Variants in TACC1 observed in about 807,000 individuals in gnomAD.
The protein encoded by TACC1 is transforming acidic coiled-coil-containing protein 1.
Under a neutral mutation model 84.4 loss-of-function variants are expected in TACC1, and 48 were observed. The ratio of observed to expected loss-of-function variants is 0.57; its 90% CI spans 0.45 to 0.72. The LOEUF (loss-of-function observed/expected upper bound fraction) is 0.72, where lower values mean the gene tolerates loss of function less well. TACC1 is among the 30% of genes least tolerant of loss of function. TACC1 has a pLI of 0.00. For missense variants in TACC1, 920 were observed against 973.0 expected, an observed-to-expected ratio of 0.95 and a Z score of 0.72; for synonymous variants, 372 against 376.3, an observed-to-expected ratio of 0.99 and a Z score of 0.13.
chr8:38,773,186 C>T (rs950246572), intron 3 of TACC1, among the ~76,000 whole-genome samples: 9 of 151,722 alleles, frequency 5.9e-5, no homozygotes, highest in East Asian at 1.9e-4. Context: ...ATTAGCCTGG[C>T]GTGGTGGCGG....
chr8:38,762,067 T>A (rs1200304419), intron 3 of TACC1, among the ~76,000 whole-genome samples: 2 of 152,178 alleles, frequency 1.3e-5, no homozygotes, highest in East Asian at 3.8e-4. Context: ...AAAAAAGAGT[T>A]AATAATGGGA....
In TACC1 at chr8:38,836,247, A is replaced by C. The variant is rs1298055689; in HGVS notation, c.1799A>C (p.Glu600Ala). 6.2e-7 allele frequency: 1 copy of C among 1,612,480 alleles called. No individual in the cohort carries two copies. The highest frequency in any genetic ancestry group is 8.5e-7 in the Non-Finnish European group (1 of 1,179,872). ...CCCCTGGATGGGATCTGCCTCAGCG[A>C]ATCAGACAAGACAGCCGTGCTCACC... The part of the protein sequence containing the change: ...ESPLDGICLS[E>A]SDKTAVLTLI... Residue 600 changes from glutamate to alanine, a missense_variant, in exon 7 of 13, where the codon GAA (glutamate) becomes GCA (alanine). This residue lies in a region of TACC1 where 762 missense variants were observed against 747.3 expected (regional missense o/e 1.02). Transcript: ENST00000317827.
chr8:38,763,888 T>A (rs1368848583), intron 3 of TACC1, among the ~76,000 whole-genome samples: 1 of 152,234 alleles, frequency 6.6e-6, no homozygotes, highest in African/African-American at 2.4e-5. Flanking sequence ...AACATCCTTG[T>A]AATTCTTTGT....
At chr8:38,767,359 T>C (rs1563342316) in intron 3 of TACC1, among the ~76,000 whole-genome samples, 1 of 152,166 alleles carries the variant, frequency 6.6e-6, no homozygotes, top group Non-Finnish European at 1.5e-5. Context: ...TCCTAATAAG[T>C]GCCCCGTGGG....
intron 2 of TACC1, among the ~76,000 whole-genome samples, chr8:38,790,253 C>T (rs1818327128): frequency 6.6e-6 from 1 of 152,224 alleles, no homozygotes; most frequent in Admixed American, 6.5e-5. Context: ...CCTGTGAGGA[C>T]ACCAGTCGTT....
intron 3 of TACC1, among the ~76,000 whole-genome samples, chr8:38,778,834 A>G (rs535747459): frequency 2.6e-5 from 4 of 152,324 alleles, no homozygotes; most frequent in African/African-American, 9.6e-5. Flanking sequence ...AAAAGGAAGT[A>G]TAGCGAAAGA....
intron 3 of TACC1, among the ~76,000 whole-genome samples, chr8:38,822,564 T>G (rs1827120753): frequency 6.6e-6 from 1 of 152,242 alleles, no homozygotes; most frequent in Non-Finnish European, 1.5e-5. Context: ...TAAGTTTAGC[T>G]TACTGTAACT....
At chr8:38,758,692 A>AAC (rs1255569536) in intron 3 of TACC1, among the ~76,000 whole-genome samples, 101 of 151,170 alleles carry the variant, frequency 6.7e-4, no homozygotes, top group African/African-American at 2.2e-3. Context: ...AAAAAAAAAA[A>AAC]AAAAAAAAAA....
intron 3 of TACC1, among the ~76,000 whole-genome samples, chr8:38,775,372 A>G (rs1252418123): frequency 6.6e-6 from 1 of 152,166 alleles, no homozygotes; most frequent in Non-Finnish European, 1.5e-5. Context: ...TTAGGTTAGG[A>G]GTCAGTGATT....
At chr8:38,755,978 C>T (rs1809961067) in intron 3 of TACC1, among the ~76,000 whole-genome samples, 1 of 151,678 alleles carries the variant, frequency 6.6e-6, no homozygotes, top group South Asian at 2.1e-4. Flanking sequence ...CCATGCCCGG[C>T]TAATTTTTGT....
At chr8:38,829,500 C>T (rs1322674280) in intron 5 of TACC1, among the ~76,000 whole-genome samples, 1 of 152,258 alleles carries the variant, frequency 6.6e-6, no homozygotes, top group South Asian at 2.1e-4. Context: ...ATCTGCACAT[C>T]CCTTCAGGTC....
chr8:38,757,189 C>A, intron 3 of TACC1: 1 of 893,180 alleles, frequency 1.1e-6, no homozygotes, highest in Non-Finnish European at 1.4e-6. Flanking sequence ...TTCCCAGCGG[C>A]GGGGACCCTA....
intron 12 of TACC1, 93 bp downstream of exon 12, chr8:38,846,912 G>A (rs1832426426): frequency 7.4e-6 from 11 of 1,476,854 alleles, no homozygotes; most frequent in Non-Finnish European, 1.0e-5. Flanking sequence ...GGTGAAAGAG[G>A]CCTTGGCTTT....
chr8:38,829,215 C>G (rs1402370549), intron 5 of TACC1, among the ~76,000 whole-genome samples: 1 of 152,190 alleles, frequency 6.6e-6, no homozygotes, highest in Non-Finnish European at 1.5e-5. Context: ...AAGTCATGAT[C>G]TGCCATTAAG....
chr8:38,769,387 T>C (rs1247841261), intron 3 of TACC1, among the ~76,000 whole-genome samples: 1 of 126,580 alleles, frequency 7.9e-6, no homozygotes, highest in Non-Finnish European at 1.7e-5. Context: ...TGGTGTGTGA[T>C]TATATGTGTG....
intron 8 of TACC1, chr8:38,839,766 G>A (rs1830867715): frequency 6.2e-6 from 1 of 161,070 alleles, no homozygotes; most frequent in African/African-American, 2.4e-5. Context: ...TTTGGAATTA[G>A]GACACAAAAT....
intron 4 of TACC1, 141 bp from the exon 5 acceptor site, chr8:38,827,027 C>G: frequency 1.5e-6 from 1 of 659,338 alleles, no homozygotes; most frequent in South Asian, 2.0e-5. Flanking sequence ...CCAACTTCCT[C>G]CTTGCTTTGT....
chr8:38,817,089 T>G (rs1825600933), intron 2 of TACC1, among the ~76,000 whole-genome samples: 1 of 152,206 alleles, frequency 6.6e-6, no homozygotes, highest in African/African-American at 2.4e-5. Context: ...ACAAAATACG[T>G]ATTTTTATTA....
At chr8:38,786,745 T>C (rs1319202306), upstream of TACC1, among the ~76,000 whole-genome samples, 1 of 151,452 alleles carries the variant, frequency 6.6e-6, no homozygotes, top group East Asian at 1.9e-4. Flanking sequence ...ATGCCAGGGA[T>C]GGAGATGAAC....
Sources: allele counts gnomAD v4.1 joint callset (sites outside exome capture counted in the v4.1 genomes callset), GRCh38; gene constraint gnomAD v4.1.1; regional missense constraint gnomAD v4.1.1; transcripts MANE v1.5; gene names NCBI Gene and HGNC (gene_info 2026-07-23, HGNC 2026-07-21).